ECT2L: variants seen among roughly 807,000 people sequenced by gnomAD.
ECT2L encodes epithelial cell-transforming sequence 2 oncogene-like.
In ECT2L, 126 loss-of-function variants were observed where a neutral mutation model predicts 122.8. The observed-to-expected ratio is 1.03, with a 90% CI of 0.89 to 1.19. The LOEUF (loss-of-function observed/expected upper bound fraction) is 1.19. ECT2L is among the 50% of genes most tolerant of loss of function. The pLI is 0.00. For synonymous variants in ECT2L, 385 were observed against 381.8 expected (o/e 1.01, Z -0.10); for missense variants, 1,012 against 1,064.1 (o/e 0.95, Z 0.68).
intron 12 of ECT2L, among the ~76,000 whole-genome samples, chr6:138,866,364 G>T (rs1778039314): frequency 6.6e-6 from 1 of 151,854 alleles, no homozygotes; most frequent in African/African-American, 2.4e-5. Context: ...TGTCACCCAG[G>T]CTGGGCCTCC....
At chr6:138,838,766 C>T (rs1366293737) in intron 5 of ECT2L, among the ~76,000 whole-genome samples, 1 of 152,092 alleles carries the variant, frequency 6.6e-6, no homozygotes, top group Non-Finnish European at 1.5e-5. Flanking sequence ...GTTTAGAAAA[C>T]ATTTTATCTT....
intron 1 of ECT2L, among the ~76,000 whole-genome samples, chr6:138,808,670 T>C (rs949320365): frequency 1.3e-5 from 2 of 152,132 alleles, no homozygotes; most frequent in African/African-American, 4.8e-5. Flanking sequence ...TTAATATTTT[T>C]CTACATACAA....
At chr6:138,838,547 A>G in intron 5 of ECT2L, 33 bp downstream of exon 5, 1 of 1,592,664 alleles carries the variant, frequency 6.3e-7, no homozygotes, top group Non-Finnish European at 8.5e-7. Context: ...GTAATAGGGC[A>G]CAAGTACAGC....
At chr6:138,866,041 T>A (rs1223330802) in intron 12 of ECT2L, among the ~76,000 whole-genome samples, 1 of 152,236 alleles carries the variant, frequency 6.6e-6, no homozygotes, top group Non-Finnish European at 1.5e-5. Flanking sequence ...AAACAGGGAT[T>A]TGCCTTCCTG....
chr6:138,900,170 G>T (rs1216731761), intron 20 of ECT2L, among the ~76,000 whole-genome samples: 1 of 151,970 alleles, frequency 6.6e-6, no homozygotes, highest in African/African-American at 2.4e-5. Context: ...CTTCTACATA[G>T]TTAAATGCTT....
At chr6:138,844,299 G>C (rs1023515419) in intron 6 of ECT2L, 113 bp from the exon 7 acceptor site, 2 of 1,258,444 alleles carry the variant, frequency 1.6e-6, no homozygotes, top group East Asian at 4.7e-5. Flanking sequence ...TGTAATTATT[G>C]TCATTTGGAA....
In ECT2L at chr6:138,880,991, G is replaced by T; in HGVS notation, c.1700G>T (p.Arg567Leu). 1 of 1,614,120 alleles carries T rather than the reference G, an allele frequency of 6.2e-7. No homozygotes were observed. The highest frequency in any genetic ancestry group is 8.5e-7 in the Non-Finnish European group (1 of 1,179,988). The change falls in exon 15 of 22, where the codon CGA becomes CTA. Residue 567 changes from arginine (R) to leucine (L), a missense_variant. Transcript: ENST00000541398. The stretch of plus-strand genomic sequence containing the variant: ...CTCCAGAAGGACTCAGCAGAAAAGC[G>T]AGCTAGAGTTGTCAGAGAACTCTTA... ...RILQKDSAEKRARVVRELLQS... is the reference protein window; with the variant it reads ...RILQKDSAEKLARVVRELLQS...
intron 1 of ECT2L, among the ~76,000 whole-genome samples, chr6:138,809,313 G>A (rs1221863564): frequency 1.3e-5 from 2 of 152,096 alleles, no homozygotes; most frequent in African/African-American, 2.4e-5. Flanking sequence ...TGTAATCCCA[G>A]CACTTTGGGA....
At chr6:138,815,912 A>G (rs1776052400) in intron 4 of ECT2L, among the ~76,000 whole-genome samples, 1 of 151,954 alleles carries the variant, frequency 6.6e-6, no homozygotes, top group African/African-American at 2.4e-5. Context: ...TCTCCTCCTC[A>G]CCTGTCAGCT....
chr6:138,862,607 A>C lies in ECT2L; in HGVS notation c.1199-20A>C. The C allele has an allele frequency of 6.2e-7, 1 of 1,609,150 alleles. No homozygotes were observed. The highest frequency in any genetic ancestry group is 8.5e-7 in the Non-Finnish European group (1 of 1,175,532). On this transcript the variant is annotated intron_variant, in intron 10 of 21. Transcript: ENST00000541398. ...GCAAAATATATGAGGAAACTAACGAAAGTGTTTTTGACTATGCAGAGGCAG... is the reference window on the plus strand; with the variant it reads ...GCAAAATATATGAGGAAACTAACGACAGTGTTTTTGACTATGCAGAGGCAG...
intron 4 of ECT2L, among the ~76,000 whole-genome samples, chr6:138,832,481 G>A (rs995256934): frequency 6.6e-6 from 1 of 152,094 alleles, no homozygotes. Flanking sequence ...TCTCACCAGC[G>A]TTTATGTTTC....
chr6:138,805,311 A>G (rs548880462), intron 1 of ECT2L, among the ~76,000 whole-genome samples: 8 of 152,138 alleles, frequency 5.3e-5, no homozygotes, highest in African/African-American at 1.9e-4. Context: ...CCACATGTAT[A>G]TTTTTTCCAG....
At chr6:138,815,511 G>A (rs953914220) in intron 4 of ECT2L, among the ~76,000 whole-genome samples, 2 of 152,186 alleles carry the variant, frequency 1.3e-5, no homozygotes, top group Non-Finnish European at 2.9e-5. Flanking sequence ...TGTTAGTCTG[G>A]AGGATTTCTG....
At position 138,865,174 on chromosome 6, in the gene ECT2L, G is replaced by A. The variant is rs773040327; in HGVS notation, c.1470G>A (p.Met490Ile). 3 of 1,608,338 alleles carry A rather than the reference G, an allele frequency of 1.9e-6. No individual in the cohort carries two copies. Among genetic ancestry groups the A allele is most frequent in the Non-Finnish European group, 2.6e-6 (3 of 1,175,798 alleles). Residue 490 changes from methionine (M) to isoleucine (I), a missense_variant, in exon 12 of 22, where the codon ATG becomes ATA. Transcript: ENST00000541398. Reference sequence around the variant, plus strand: ...TGCAGAAGAGCATCAGTGGCAGGATGATAGGTAAGCAGTCTTGCTACTTCT... The same window carrying A: ...TGCAGAAGAGCATCAGTGGCAGGATAATAGGTAAGCAGTCTTGCTACTTCT... Reference protein sequence around the residue: ...KELQKSISGRMIGQFMFDTMG... With the variant: ...KELQKSISGRIIGQFMFDTMG...
At position 138,822,131 on chromosome 6, in the gene ECT2L, A is replaced by T. The variant is rs1463634691; in HGVS notation, c.179+7528A>T. Among the ~76,000 whole-genome samples, 4 of 152,252 alleles carry T rather than the reference A, an allele frequency of 2.6e-5. No individual in the cohort carries two copies. In the East Asian group the frequency reaches 7.7e-4, roughly 29 times the overall value. ...AGTGATTTGCTTTTTCTATTTTTCA[A>T]CGTTTATTCTTTTTTCATTTATTAT... On this transcript the variant is annotated intron_variant, in intron 4 of 21. Coordinates refer to ENST00000541398, the MANE Select transcript of ECT2L (RefSeq NM_001077706.3).
chr6:138,886,884 C>G lies in ECT2L; in HGVS notation c.2287C>G (p.His763Asp), dbSNP rs748453270. The change falls in exon 19 of 22, where the codon CAT becomes GAT. Residue 763 changes from histidine to aspartate, a missense_variant. By Grantham distance (81) the His-to-Asp change is moderately conservative. Coordinates refer to ENST00000541398, the MANE Select transcript of ECT2L (RefSeq NM_001077706.3). ...GAAGCAAAACATCACTATGAAGGAT[C>G]ATCTGTCAGATATACAGAGAATCAT... is the stretch of plus-strand genomic sequence containing the variant. The part of the protein sequence containing the change: ...QMKQNITMKD[H>D]LSDIQRIIWG... 6.2e-7 allele frequency: 1 copy of G among 1,613,488 alleles called. No homozygotes were observed. The highest frequency in any genetic ancestry group is 2.2e-5 in the East Asian group (1 of 44,894).
intron 20 of ECT2L, among the ~76,000 whole-genome samples, chr6:138,898,842 G>A (rs1423094731): frequency 6.6e-6 from 1 of 152,114 alleles, no homozygotes; most frequent in East Asian, 1.9e-4. Flanking sequence ...TGAAACCTCA[G>A]AGTACTGATC....
intron 16 of ECT2L, 141 bp downstream of exon 16, chr6:138,883,012 A>G: frequency 1.1e-6 from 1 of 915,716 alleles, no homozygotes; most frequent in Non-Finnish European, 1.6e-6. Flanking sequence ...GTGATCTCTG[A>G]GGACAGGAAC....
intron 20 of ECT2L, among the ~76,000 whole-genome samples, chr6:138,890,460 C>T (rs1363721800): frequency 7.6e-6 from 1 of 131,554 alleles, no homozygotes; most frequent in Admixed American, 7.6e-5. Flanking sequence ...TGTCACTTTT[C>T]TCATTGTCAT....
Sources: allele counts gnomAD v4.1 joint callset (sites outside exome capture counted in the v4.1 genomes callset), GRCh38; gene constraint gnomAD v4.1.1; transcripts MANE v1.5; gene names NCBI Gene and HGNC (gene_info 2026-07-23, HGNC 2026-07-21).